Variants in IPO8 observed in about 807,000 individuals in gnomAD.
The protein encoded by IPO8 is importin 8.
In IPO8, 65 loss-of-function variants were observed where a neutral mutation model predicts 141.2. The observed-to-expected ratio is 0.46, with a 90% confidence interval of 0.38 to 0.57. IPO8 has a LOEUF of 0.57. Ranked by LOEUF, IPO8 falls within the 20% of genes least tolerant of loss-of-function variation. The probability of loss-of-function intolerance (pLI) is 0.00; values close to 1 mark genes in which losing one functional copy is unlikely to be tolerated. For missense variants in IPO8, 980 were observed against 1,246.8 expected (o/e 0.79, Z 3.22); for synonymous variants, 411 against 420.3 (o/e 0.98, Z 0.27).
At position 30,639,712 on chromosome 12, in the gene IPO8, A is replaced by T. The variant is rs1458800136; in HGVS notation, c.2292T>A (p.Leu764=). Reference sequence around the variant, plus strand: ...CCCCTCGAGTTAATCTCTCCAAAACAAGTTGAACGAAGAGTGGAATGCACT... The same window carrying T: ...CCCCTCGAGTTAATCTCTCCAAAACTAGTTGAACGAAGAGTGGAATGCACT... ...IDQCIPLFVQ[L]VLERLTRGVK... is the part of the protein sequence containing the mutation. Residue 764 remains leucine, a synonymous_variant, in exon 21 of 25, where the codon CTT becomes CTA. Transcript: ENST00000256079. 1 of 1,614,074 alleles carries T rather than the reference A, an allele frequency of 6.2e-7. No individual in the cohort carries two copies. Among genetic ancestry groups the T allele is most frequent in the Non-Finnish European group, 8.5e-7 (1 of 1,179,966 alleles).
At chr12:30,633,968 C>CA in intron 23 of IPO8, 115 bp downstream of exon 23, 2 of 863,422 alleles carry the variant, frequency 2.3e-6, no homozygotes, top group South Asian at 1.8e-5. Flanking sequence ...AAGGAATAAA[C>CA]AAAAAAATTT....
intron 23 of IPO8, among the ~76,000 whole-genome samples, chr12:30,632,727 C>T (rs940863692): frequency 6.6e-6 from 1 of 152,154 alleles, no homozygotes; most frequent in African/African-American, 2.4e-5. Flanking sequence ...ACATCTAGTC[C>T]TTTCCAGTTT....
Position 30,632,118 on chromosome 12 carries a change from A to G in IPO8, c.2900-107T>C, listed in dbSNP as rs2052441379. ...AAGAAATTATCCCAGACAGTAAGAG[A>G]CAAAGAGTACAGTACTACAACACAC... On this transcript the variant is annotated intron_variant, in intron 23 of 24. Coordinates refer to ENST00000256079, the MANE Select transcript of IPO8 (RefSeq NM_006390.4). The G allele has an allele frequency of 8.5e-6, 6 of 703,352 alleles. No individual in the cohort carries two copies. In the South Asian group the frequency reaches 1.0e-4, roughly 12 times the overall value. The allele number at this position is 703,352 out of a possible 1,614,324, so 43.6% of individuals were successfully genotyped here. A position where few individuals can be genotyped will look rare whatever the true frequency, so the allele number is the denominator to read the frequency against.
At chr12:30,661,613 A>AT (rs1565501042) in intron 15 of IPO8, among the ~76,000 whole-genome samples, 2 of 112,450 alleles carry the variant, frequency 1.8e-5, no homozygotes, top group Non-Finnish European at 3.7e-5. Flanking sequence ...AATGAAACAA[A>AT]CAAAAAAAAA....
chr12:30,670,724 T>C (rs535393629), intron 9 of IPO8, among the ~76,000 whole-genome samples: 1 of 152,336 alleles, frequency 6.6e-6, no homozygotes, highest in African/African-American at 2.4e-5. Flanking sequence ...TTAATGAGAT[T>C]AAGCAAGATC....
Position 30,630,872 on chromosome 12 carries a change from G to A in IPO8, c.3102C>T (p.Pro1034=). The A allele has an allele frequency of 6.2e-7, 1 of 1,612,380 alleles. No individual in the cohort carries two copies. Among genetic ancestry groups the A allele is most frequent in the Non-Finnish European group, 8.5e-7 (1 of 1,178,826 alleles). The change falls in exon 25 of 25, where the codon CCC becomes CCT. Residue 1034 remains proline (P), a synonymous_variant. Coordinates refer to ENST00000256079, the MANE Select transcript of IPO8 (RefSeq NM_006390.4). Reference sequence around the variant, plus strand: ...GATGTTCTTTCCTTCAGTTGTTGCTGGGCACAGTCCCAAAATTAAATGCGG... The same window carrying A: ...GATGTTCTTTCCTTCAGTTGTTGCTAGGCACAGTCCCAAAATTAAATGCGG... ...VLSAFNFGTV[P]SNN
chr12:30,638,446 C>A (rs1358516280), intron 21 of IPO8, among the ~76,000 whole-genome samples: 1 of 152,198 alleles, frequency 6.6e-6, no homozygotes, highest in African/African-American at 2.4e-5. Context: ...TCTTCTCCTG[C>A]CTGTGGCAGC....
At position 30,671,031 on chromosome 12, in the gene IPO8, T is replaced by C. The variant is rs754669950; in HGVS notation, c.975A>G (p.Gln325=). 5 of 1,612,892 alleles carry C rather than the reference T, an allele frequency of 3.1e-6. No individual in the cohort carries two copies. Among genetic ancestry groups the C allele is most frequent in the African/African-American group, 1.3e-5 (1 of 74,892 alleles). Residue 325 remains glutamine (Q), a synonymous_variant, in exon 9 of 25, where the codon CAA becomes CAG. Coordinates refer to ENST00000256079, the MANE Select transcript of IPO8 (RefSeq NM_006390.4). Reference sequence around the variant, plus strand: ...CCCCTTGGTTGAGATAGTTGAATGCTTGCTGAAGAACACGGGGAGCTACAT... The same window carrying C: ...CCCCTTGGTTGAGATAGTTGAATGCCTGCTGAAGAACACGGGGAGCTACAT... The part of the protein sequence containing the change: ...KEYVAPRVLQ[Q]AFNYLNQGVV...
At chr12:30,669,464 C>T (rs1411906489) in intron 9 of IPO8, among the ~76,000 whole-genome samples, 182 bp from the exon 10 acceptor site, 6 of 151,890 alleles carry the variant, frequency 4.0e-5, no homozygotes, top group Admixed American at 3.3e-4. Flanking sequence ...TTTTTTTTAA[C>T]ATTTCCATTT....
intron 10 of IPO8, 126 bp downstream of exon 10, chr12:30,669,057 G>T: frequency 2.0e-6 from 1 of 504,252 alleles, no homozygotes; most frequent in South Asian, 3.7e-5. Context: ...CAAAGTTTCA[G>T]ATTATGTCAT....
In IPO8 at chr12:30,637,078, A is replaced by G; in HGVS notation, c.2599T>C (p.Phe867Leu). 6 of 1,614,112 alleles carry G rather than the reference A, an allele frequency of 3.7e-6. No homozygotes were observed. The highest frequency in any genetic ancestry group is 5.1e-6 in the Non-Finnish European group (6 of 1,179,966). ...ACCTGCTTTAGGCCAAGGAAAAGGA[A>G]AAGAATTGAGGGAACAATCTGTCCC... ...VVGQIVPSILFLFLGLKQVCA... is the reference protein window; with the variant it reads ...VVGQIVPSILLLFLGLKQVCA... The change falls in exon 22 of 25, where the codon TTC (phenylalanine) becomes CTC (leucine). Residue 867 changes from phenylalanine (F) to leucine (L), a missense_variant. By Grantham distance (22) the Phe-to-Leu change is conservative (BLOSUM62 0). This residue lies in a region of IPO8 where 924 missense variants were observed against 1,153.9 expected (regional missense o/e 0.80). Transcript: ENST00000256079.
Position 30,681,641 on chromosome 12 carries a change from C to A in IPO8, c.482+18G>T. The A allele has an allele frequency of 6.2e-7, 1 of 1,602,200 alleles. No homozygotes were observed. Among genetic ancestry groups the A allele is most frequent in the South Asian group, 1.1e-5 (1 of 89,468 alleles). ...GTTACACAAGGCTGCTTTCTTCAGC[C>A]AATGGAAACCAACTTACTCATATGT... On this transcript the variant is annotated intron_variant, in intron 4 of 24. Transcript: ENST00000256079.
chr12:30,672,245 A>G (rs1041593314), intron 8 of IPO8, among the ~76,000 whole-genome samples: 1 of 152,192 alleles, frequency 6.6e-6, no homozygotes, highest in Non-Finnish European at 1.5e-5. Context: ...CAAAATAGGT[A>G]CAGAAATTAT....
chr12:30,629,738 C>A lies in IPO8; in HGVS notation c.*1122G>T, dbSNP rs879117567. 1 of 152,090 alleles carries A rather than the reference C, an allele frequency of 6.6e-6. No individual in the cohort carries two copies. The highest frequency in any genetic ancestry group is 1.9e-4 in the East Asian group (1 of 5,194). The allele number at this position is 152,090 out of a possible 1,614,324, so 9.4% of individuals were successfully genotyped here. ...ACCTAAAAGTGCAGCTGCCCCAACC[C>A]TTGAAAAGTTTGAGAAGTCAAACTG... is the stretch of plus-strand genomic sequence containing the variant. On this transcript the variant is annotated 3_prime_UTR_variant, in exon 25 of 25. Transcript: ENST00000256079.
rs758106012 is a variant in IPO8 at position 30,663,521 on chromosome 12, G to C, written c.1562C>G (p.Ala521Gly). ...EMPVKVEAAL[A>G]LQSLISNQIQ... is the part of the protein sequence containing the mutation. ...CTGGTTAGAAATTAAAGACTGAAGA[G>C]CAAGGGCAGCTTCAACTTTGACAGG... The change falls in exon 14 of 25, where the codon GCT becomes GGT. Residue 521 changes from alanine (A) to glycine (G), a missense_variant. By Grantham distance (60) the Ala-to-Gly change is moderately conservative. This residue lies in a region of IPO8 where 924 missense variants were observed against 1,153.9 expected (regional missense o/e 0.80). Transcript: ENST00000256079. 1.2e-6 allele frequency: 2 copies of C among 1,613,284 alleles called. No individual in the cohort carries two copies. The highest frequency in any genetic ancestry group is 1.7e-6 in the Non-Finnish European group (2 of 1,179,658).
Position 30,665,776 on chromosome 12 carries a change from C to T in IPO8, c.1291G>A (p.Asp431Asn). Residue 431 changes from aspartate (D) to asparagine (N), a missense_variant, in exon 12 of 25, where the codon GAT becomes AAT. Physicochemically the swap from Asp to Asn is conservative, Grantham distance 23 (BLOSUM62 1). This residue lies in a region of IPO8 where 924 missense variants were observed against 1,153.9 expected (regional missense o/e 0.80). Transcript: ENST00000256079. ...GAACCAATCACATGCAGGGCTCCAT[C>T]TTTCTTCCTAGGGTCAAAGTTCGGG... ...TDPNFDPRKKDGALHVIGSLA... is the reference protein window; with the variant it reads ...TDPNFDPRKKNGALHVIGSLA... 6.2e-7 allele frequency: 1 copy of T among 1,613,766 alleles called. No individual in the cohort carries two copies. The highest frequency in any genetic ancestry group is 8.5e-7 in the Non-Finnish European group (1 of 1,179,798).
At position 30,652,255 on chromosome 12, in the gene IPO8, T is replaced by A. The variant is rs945148893; in HGVS notation, c.2109A>T (p.Ile703=). 6.2e-7 allele frequency: 1 copy of A among 1,604,652 alleles called. No homozygotes were observed. The highest frequency in any genetic ancestry group is 8.5e-7 in the Non-Finnish European group (1 of 1,172,834). ...MMPLLHNYVT[I]DTDTLLSNAK... is the part of the protein sequence containing the mutation. The stretch of plus-strand genomic sequence containing the variant: ...CATTTGATAGTAAGGTATCTGTATC[T>A]ATTGTCACATAATTATGCAGGAGAG... The change falls in exon 19 of 25, where the codon ATA becomes ATT. Residue 703 remains isoleucine, a synonymous_variant. Coordinates refer to ENST00000256079, the MANE Select transcript of IPO8 (RefSeq NM_006390.4).
intron 10 of IPO8, 24 bp from the exon 11 acceptor site, chr12:30,666,275 C>T (rs751508164): frequency 3.0e-5 from 45 of 1,475,800 alleles, no homozygotes; most frequent in Non-Finnish European, 4.0e-5. Flanking sequence ...AGGTTAAAAC[C>T]ATGTTAGTGA....
chr12:30,684,519 A>G (rs1453363292), intron 2 of IPO8, 62 bp from the exon 3 acceptor site: 1 of 1,532,272 alleles, frequency 6.5e-7, no homozygotes, highest in African/African-American at 1.4e-5. Context: ...ATTCAGCCTT[A>G]CAGAGCATGA....
Sources: gnomAD v4.1 joint callset for allele counts (sites outside exome capture counted in the v4.1 genomes callset) on GRCh38, gnomAD v4.1.1 for gene constraint, gnomAD v4.1.1 regional missense constraint, MANE v1.5 for transcripts, NCBI Gene and HGNC (gene_info 2026-07-23, HGNC 2026-07-21) for gene names.